The following FBXO11 variants were observed in gnomAD, a reference collection of about 807,000 sequenced individuals.
FBXO11 encodes the protein F-box protein 11.
Under a neutral mutation model 117.0 loss-of-function variants are expected in FBXO11, and 13 were observed. That is an observed-to-expected ratio of 0.11 (90% CI 0.07 to 0.18). The LOEUF is 0.18. Among genes scored for constraint, FBXO11 ranks in the 10% least tolerant of loss-of-function variants. The pLI is 1.00. For missense variants in FBXO11, 767 were observed against 1,164.4 expected (o/e 0.66, Z 4.97); for synonymous variants, 490 against 380.5 (o/e 1.29, Z -3.35).
chr2:47,861,467 T>C (rs1307749610), intron 1 of FBXO11, among the ~76,000 whole-genome samples: 2 of 151,958 alleles, frequency 1.3e-5, no homozygotes, highest in Non-Finnish European at 2.9e-5. Context: ...CACAGGTGCA[T>C]ACCACCATGC....
rs115636436 is a variant in FBXO11 at position 47,821,862 on chromosome 2, C to A, written c.1702+356G>T. Among the ~76,000 whole-genome samples the A allele has an allele frequency of 4.2e-3, 638 of 152,172 alleles. 5 individuals carry two copies. Among genetic ancestry groups the A allele is most frequent in the African/African-American group, 0.014 (598 of 41,498 alleles). On this transcript the variant is annotated intron_variant, in intron 13 of 22. Coordinates refer to ENST00000403359, the MANE Select transcript of FBXO11 (RefSeq NM_001190274.2). The stretch of plus-strand genomic sequence containing the variant: ...ATCCCAGAATTTTGGGAGACCAAGG[C>A]GGGAAGATCACCTGAGGCCAGGAGT...
intron 1 of FBXO11, among the ~76,000 whole-genome samples, chr2:47,865,455 G>A (rs960983300): frequency 2.6e-5 from 4 of 152,148 alleles, no homozygotes; most frequent in African/African-American, 9.7e-5. Context: ...TGAACAAATA[G>A]TTTGAACCAT....
At chr2:47,818,427 A>G (rs1572775211) in intron 16 of FBXO11, 1 of 189,024 alleles carries the variant, frequency 5.3e-6, no homozygotes, top group Non-Finnish European at 1.1e-5. Flanking sequence ...ATAAAACAGA[A>G]GCTTCATTTT....
chr2:47,846,294 T>TC (rs1311885457), intron 1 of FBXO11, among the ~76,000 whole-genome samples: 1 of 151,792 alleles, frequency 6.6e-6, no homozygotes, highest in Non-Finnish European at 1.5e-5. Context: ...ATGGAGAAAC[T>TC]CCGTCTCTAC....
intron 16 of FBXO11, among the ~76,000 whole-genome samples, chr2:47,815,465 G>A (rs936328637): frequency 2.1e-4 from 32 of 152,180 alleles, no homozygotes; most frequent in Non-Finnish European, 4.1e-4. Context: ...GGGAGAAAAG[G>A]AGGCAGGAAC....
intron 18 of FBXO11, chr2:47,812,762 G>A (rs1205097133): frequency 5.0e-6 from 1 of 201,014 alleles, no homozygotes; most frequent in East Asian, 1.4e-4. Context: ...TTGCCTCAAT[G>A]CAAAGTGAGT....
intron 1 of FBXO11, among the ~76,000 whole-genome samples, chr2:47,851,739 T>C (rs974486998): frequency 4.6e-5 from 7 of 152,234 alleles, no homozygotes; most frequent in African/African-American, 1.4e-4. Context: ...CTGTCCCTAA[T>C]GTATTTTCAC....
intron 11 of FBXO11, among the ~76,000 whole-genome samples, chr2:47,832,107 C>T (rs1214780771): frequency 6.6e-6 from 1 of 152,114 alleles, no homozygotes; most frequent in East Asian, 1.9e-4. Flanking sequence ...CGAGTTATAC[C>T]TTACTCCCCT....
chr2:47,832,986 T>A lies in FBXO11; in HGVS notation c.1019A>T (p.Tyr340Phe), dbSNP rs1672299991. ...TACCCTTATTGTCATATATCCAACA[T>A]AAGCATCTTCAGAGCCTTCCATAAA... ...FVFMEGSEDAYVGYMTIRFNP... is the reference protein window; with the variant it reads ...FVFMEGSEDAFVGYMTIRFNP... The change falls in exon 8 of 23, where the codon TAT becomes TTT. Residue 340 changes from tyrosine (Y) to phenylalanine (F), a missense_variant. By Grantham distance (22) the Tyr-to-Phe change is conservative. Coordinates refer to ENST00000403359, the MANE Select transcript of FBXO11 (RefSeq NM_001190274.2). The A allele has an allele frequency of 1.9e-6, 3 of 1,612,672 alleles. No individual in the cohort carries two copies. The highest frequency in any genetic ancestry group is 2.2e-5 in the East Asian group (1 of 44,846).
At chr2:47,902,866 T>C (rs1005777837) in intron 1 of FBXO11, among the ~76,000 whole-genome samples, 1 of 151,804 alleles carries the variant, frequency 6.6e-6, no homozygotes, top group African/African-American at 2.4e-5. Flanking sequence ...TAAGTAACTC[T>C]ATCCAAGATC....
chr2:47,823,678 G>A (rs1392383112), intron 11 of FBXO11, among the ~76,000 whole-genome samples: 1 of 151,922 alleles, frequency 6.6e-6, no homozygotes, highest in Admixed American at 6.6e-5. Context: ...GCTTGAACCC[G>A]GGAGTCAGAG....
chr2:47,850,566 A>T (rs17037002), intron 1 of FBXO11, among the ~76,000 whole-genome samples: 23,313 of 152,126 alleles, frequency 0.15, 1,920 homozygotes, highest in Non-Finnish European at 0.18. Flanking sequence ...TGGACTATTA[A>T]CTGTTGATGT....
intron 11 of FBXO11, among the ~76,000 whole-genome samples, chr2:47,825,305 T>C (rs1671668164): frequency 6.6e-6 from 1 of 152,166 alleles, no homozygotes; most frequent in Non-Finnish European, 1.5e-5. Flanking sequence ...TCAGGAGCTA[T>C]ATAAAAGATA....
At chr2:47,861,724 A>G (rs2103751400) in intron 1 of FBXO11, among the ~76,000 whole-genome samples, 1 of 152,134 alleles carries the variant, frequency 6.6e-6, no homozygotes, top group African/African-American at 2.4e-5. Context: ...TGGGAAAGAG[A>G]CGTCCTTCTC....
At chr2:47,875,847 C>G (rs1675963761) in intron 1 of FBXO11, among the ~76,000 whole-genome samples, 1 of 152,090 alleles carries the variant, frequency 6.6e-6, no homozygotes, top group African/African-American at 2.4e-5. Flanking sequence ...ATTTTCATTC[C>G]TTTAGTTCTG....
At chr2:47,878,659 G>C (rs1676196167) in intron 1 of FBXO11, among the ~76,000 whole-genome samples, 1 of 147,700 alleles carries the variant, frequency 6.8e-6, no homozygotes, top group Non-Finnish European at 1.5e-5. Flanking sequence ...ACTGCGTCCA[G>C]CATTTTTTTT....
chr2:47,881,209 G>A (rs773324823), intron 1 of FBXO11, among the ~76,000 whole-genome samples: 9 of 152,098 alleles, frequency 5.9e-5, no homozygotes, highest in Non-Finnish European at 1.2e-4. Flanking sequence ...CCAAGATTGC[G>A]CCACTGTCCT....
chr2:47,879,220 C>G (rs928494918), intron 1 of FBXO11, among the ~76,000 whole-genome samples: 5 of 152,140 alleles, frequency 3.3e-5, no homozygotes, highest in Admixed American at 2.0e-4. Context: ...GATTGTTTCT[C>G]ACCTTCTGCT....
chr2:47,905,700 G>C lies in FBXO11; in HGVS notation c.21C>G (p.Ala7=), dbSNP rs1217482734. Residue 7 remains alanine (A), a synonymous_variant, in exon 1 of 23, where the codon GCC becomes GCG. Transcript: ENST00000403359. MNSVRA[A]NRRPRRVSRP... ...GCGACACTCGCCTGGGTCTCCGGTT[G>C]GCGGCTCGGACGGAGTTCATTTGCC... The C allele has an allele frequency of 2.6e-6, 4 of 1,523,304 alleles. No homozygotes were observed. Among genetic ancestry groups the C allele is most frequent in the African/African-American group, 2.9e-5 (2 of 69,756 alleles). The allele number at this position is 1,523,304 out of a possible 1,614,324, so 94.4% of individuals were successfully genotyped here. A position where few individuals can be genotyped will look rare whatever the true frequency, so the allele number is the denominator to read the frequency against.
Sources: gnomAD v4.1 joint callset for allele counts (sites outside exome capture counted in the v4.1 genomes callset) on GRCh38, gnomAD v4.1.1 for gene constraint, MANE v1.5 for transcripts, NCBI Gene and HGNC (gene_info 2026-07-23, HGNC 2026-07-21) for gene names.